RBM6: variants seen among roughly 807,000 people sequenced by gnomAD.
The protein encoded by RBM6 is RNA binding motif protein 6.
In RBM6, 23 loss-of-function variants were observed where a neutral mutation model predicts 140.4. The observed-to-expected ratio is 0.16, with a 90% CI of 0.12 to 0.23. The LOEUF is 0.23. Among genes scored for constraint, RBM6 ranks in the 10% least tolerant of loss-of-function variants. RBM6 has a pLI of 1.00. For missense variants in RBM6, 1,139 were observed against 1,386.7 expected (o/e 0.82, Z 2.84); for synonymous variants, 439 against 475.6 (o/e 0.92, Z 1.00).
chr3:50,013,156 G>A lies in RBM6; in HGVS notation c.1557+13643G>A, dbSNP rs117617823. The stretch of plus-strand genomic sequence containing the variant: ...CCTCCCACCAGACTCTTCCTTTGAG[G>A]TTGGATGGAGGTGCTTAATGGATGC... On this transcript the variant is annotated intron_variant, in intron 6 of 20. Coordinates refer to ENST00000266022, the MANE Select transcript of RBM6 (RefSeq NM_005777.3). Among the ~76,000 whole-genome samples, 198 of 152,282 alleles carry A rather than the reference G, an allele frequency of 1.3e-3. 6 individuals are homozygous for A. In the East Asian group the frequency reaches 0.037, roughly 28 times the overall value.
intron 1 of RBM6, among the ~76,000 whole-genome samples, chr3:49,957,924 C>T (rs956107067): frequency 3.3e-5 from 5 of 151,908 alleles, no homozygotes; most frequent in South Asian, 2.1e-4. Flanking sequence ...CTCTGCCTCC[C>T]GGGTTCAAAA....
intron 6 of RBM6, among the ~76,000 whole-genome samples, chr3:50,024,034 G>A (rs2087659074): frequency 6.6e-6 from 1 of 152,136 alleles, no homozygotes; most frequent in Non-Finnish European, 1.5e-5. Context: ...ATGCCAAAGG[G>A]TACTTGTGGC....
chr3:50,023,164 C>T (rs541127499), intron 6 of RBM6, among the ~76,000 whole-genome samples: 28 of 152,080 alleles, frequency 1.8e-4, no homozygotes, highest in African/African-American at 6.5e-4. Flanking sequence ...ATGAGTTTTC[C>T]CAAGAATTTA....
chr3:49,977,264 G>C (rs1318022247), intron 5 of RBM6, among the ~76,000 whole-genome samples: 1 of 152,180 alleles, frequency 6.6e-6, no homozygotes, highest in African/African-American at 2.4e-5. Flanking sequence ...ACTTCTTTCT[G>C]TGTCAGGGTC....
At chr3:50,044,343 G>A (rs530696629) in intron 6 of RBM6, among the ~76,000 whole-genome samples, 2 of 152,158 alleles carry the variant, frequency 1.3e-5, no homozygotes, top group Non-Finnish European at 2.9e-5. Context: ...GACATCCACG[G>A]CTGGGCGCTG....
In RBM6 at chr3:50,054,352, T is replaced by C. The variant is rs1310899085; in HGVS notation, c.1650T>C (p.Gly550=). ...CCTTACAGTGTAAGGCAAACATTGG[T>C]GGGCACCGATCTTCCTGTTCATTCT... ...WYCKRCKANI[G]GHRSSCSFCK... Residue 550 remains glycine, a synonymous_variant, in exon 8 of 21, where the codon GGT becomes GGC. Coordinates refer to ENST00000266022, the MANE Select transcript of RBM6 (RefSeq NM_005777.3). The C allele has an allele frequency of 6.2e-7, 1 of 1,612,926 alleles. No individual in the cohort carries two copies. Among genetic ancestry groups the C allele is most frequent in the Non-Finnish European group, 8.5e-7 (1 of 1,178,880 alleles).
intron 6 of RBM6, among the ~76,000 whole-genome samples, chr3:50,013,873 C>G (rs2086981763): frequency 6.6e-6 from 1 of 152,118 alleles, no homozygotes; most frequent in South Asian, 2.1e-4. Flanking sequence ...ATGCTCTTCT[C>G]CTCCCCAACC....
intron 6 of RBM6, among the ~76,000 whole-genome samples, chr3:50,002,111 G>T (rs2086361667): frequency 6.6e-6 from 1 of 152,052 alleles, no homozygotes; most frequent in South Asian, 2.1e-4. Context: ...TTGTGTGTGT[G>T]TGTGAGACGG....
intron 6 of RBM6, among the ~76,000 whole-genome samples, chr3:50,047,640 C>T (rs1575804101): frequency 6.6e-6 from 1 of 152,252 alleles, no homozygotes; most frequent in East Asian, 1.9e-4. Context: ...CGCTGTTGCT[C>T]CCACCAGCCA....
chr3:50,058,366 C>T (rs766152754), intron 9 of RBM6, 36 bp from the exon 10 acceptor site: 5 of 1,572,374 alleles, frequency 3.2e-6, no homozygotes, highest in Non-Finnish European at 4.4e-6. Flanking sequence ...CTTTCTCTCC[C>T]TTGTGTTGCC....
chr3:49,969,086 A>G (rs1057311410), intron 3 of RBM6, among the ~76,000 whole-genome samples: 3 of 150,916 alleles, frequency 2.0e-5, no homozygotes, highest in Non-Finnish European at 4.4e-5. Flanking sequence ...GTGCAGTGAC[A>G]TAATCTCAGC....
chr3:50,059,501 T>C, intron 10 of RBM6, 148 bp from the exon 11 acceptor site: 1 of 594,546 alleles, frequency 1.7e-6, no homozygotes, highest in East Asian at 3.1e-5. Context: ...AGTATGCTCT[T>C]ACTGTTAAAA....
intron 5 of RBM6, among the ~76,000 whole-genome samples, chr3:49,991,953 T>TTATG (rs529683604): frequency 1.3e-4 from 20 of 151,508 alleles, no homozygotes; most frequent in African/African-American, 2.9e-4. Flanking sequence ...TTTTATTTAT[T>TTATG]TATTTATTTA....
rs117427860 is a variant in RBM6, at chr3:49,993,938, A to G, written c.1484-5502A>G. Among the ~76,000 whole-genome samples the G allele has an allele frequency of 1.2e-4, 19 of 152,344 alleles. No homozygotes were observed. In the East Asian group the frequency reaches 2.3e-3, roughly 19 times the overall value. On this transcript the variant is annotated intron_variant, in intron 5 of 20. Coordinates refer to ENST00000266022, the MANE Select transcript of RBM6 (RefSeq NM_005777.3). ...GCCTGGGCGACAAAGGTGAAACTCC[A>G]TCTCAAATAAAAAAAAAGATTTCAA...
chr3:49,981,560 CAAAGCT>C (rs1286557120), intron 5 of RBM6: 1 of 152,190 alleles, frequency 6.6e-6, no homozygotes, highest in Admixed American at 6.5e-5. Context: ...TGTAAGTAGA[CAAAGCT>C]AATGCTTATG....
In RBM6 at chr3:49,941,676, A is replaced by G. The variant is rs1211651150; in HGVS notation, c.-67+1451A>G. 3.4e-5 allele frequency among the ~76,000 whole-genome samples: 5 copies of G among 147,654 alleles called. 1 individual carries two copies. The highest frequency in any genetic ancestry group is 1.3e-4 in the African/African-American group (5 of 39,340). ...AAAAAAAAAAAAAAAAAAAACCCGC[A>G]AAACTCAACAAAAACCAACATAGTA... On this transcript the variant is annotated intron_variant, in intron 1 of 20. Transcript: ENST00000266022.
At chr3:49,958,201 GGATCACGA>G (rs2084093271) in intron 1 of RBM6, among the ~76,000 whole-genome samples, 1 of 151,964 alleles carries the variant, frequency 6.6e-6, no homozygotes, top group African/African-American at 2.4e-5. Context: ...TAAGGCGGGC[GGATCACGA>G]GGTCAGGAGA....
At chr3:50,065,571 T>A (rs1231440806) in intron 16 of RBM6, 1 of 457,336 alleles carries the variant, frequency 2.2e-6, no homozygotes, top group Non-Finnish European at 4.4e-6. Flanking sequence ...TTGGTGCCCA[T>A]TTTTTAGATG....
chr3:50,013,512 A>G (rs781271106), intron 6 of RBM6, among the ~76,000 whole-genome samples: 5 of 152,144 alleles, frequency 3.3e-5, no homozygotes, highest in Non-Finnish European at 7.4e-5. Context: ...TACTAAAAAT[A>G]CAAAAATTAG....
Sources: gnomAD v4.1 joint callset for allele counts (sites outside exome capture counted in the v4.1 genomes callset) on GRCh38, gnomAD v4.1.1 for gene constraint, MANE v1.5 for transcripts, NCBI Gene and HGNC (gene_info 2026-07-23, HGNC 2026-07-21) for gene names.